Variants in NRXN3 observed in about 807,000 individuals in gnomAD.
NRXN3 encodes neurexin 3.
NRXN3 carries 32 observed loss-of-function variants against 137.6 expected under a neutral mutation model. That is an observed-to-expected ratio of 0.23 (90% CI 0.18 to 0.31). The LOEUF is 0.31. NRXN3 is among the 10% of genes least tolerant of loss of function. The pLI is 1.00. For synonymous variants in NRXN3, 798 were observed against 784.5 expected (o/e 1.02, Z -0.29); for missense variants, 1,574 against 2,062.5 (o/e 0.76, Z 4.59).
intron 4 of NRXN3, among the ~76,000 whole-genome samples, chr14:78,397,505 C>A (rs2091591893): frequency 6.6e-6 from 1 of 151,258 alleles, no homozygotes; most frequent in South Asian, 2.1e-4. Context: ...TTTTTTTTTC[C>A]CATTCTTAAA....
chr14:79,429,406 G>A (rs1363102065), intron 15 of NRXN3, among the ~76,000 whole-genome samples: 1 of 152,144 alleles, frequency 6.6e-6, no homozygotes, highest in Non-Finnish European at 1.5e-5. Context: ...ATCCTTTGCT[G>A]GGTGATCCTG....
At chr14:78,896,246 C>T (rs1491000879) in intron 10 of NRXN3, among the ~76,000 whole-genome samples, 1 of 151,834 alleles carries the variant, frequency 6.6e-6, no homozygotes, top group Admixed American at 6.6e-5. Flanking sequence ...ATGGCATTGC[C>T]TAGTAAAATC....
intron 4 of NRXN3, among the ~76,000 whole-genome samples, chr14:78,585,296 G>T (rs980754590): frequency 6.6e-6 from 1 of 152,124 alleles, no homozygotes; most frequent in Non-Finnish European, 1.5e-5. Flanking sequence ...GTGGGAATGT[G>T]CTTGGTGAGT....
chr14:79,152,080 A>G lies in NRXN3; in HGVS notation c.3262+163939A>G, dbSNP rs139708228. Among the ~76,000 whole-genome samples, 993 of 152,054 alleles carry G rather than the reference A, an allele frequency of 6.5e-3. 13 individuals are homozygous for G. The highest frequency in any genetic ancestry group is 0.051 in the Middle Eastern group (15 of 294). On this transcript the variant is annotated intron_variant, in intron 15 of 20. Coordinates refer to ENST00000335750, the MANE Select transcript of NRXN3 (RefSeq NM_001330195.2). Reference sequence around the variant, plus strand: ...TTTACCATATTGTGTACTTGGGTCTATTTTCAACTCTGAGCCACTTGCTAT... The same window carrying G: ...TTTACCATATTGTGTACTTGGGTCTGTTTTCAACTCTGAGCCACTTGCTAT...
At chr14:78,191,817 G>T (rs932974811) in intron 1 of NRXN3, among the ~76,000 whole-genome samples, 4 of 152,162 alleles carry the variant, frequency 2.6e-5, no homozygotes, top group Non-Finnish European at 4.4e-5. Context: ...CCATGCCGAT[G>T]GGTCAGAGTT....
intron 8 of NRXN3, among the ~76,000 whole-genome samples, chr14:78,739,417 A>G (rs1235560991): frequency 6.6e-6 from 1 of 152,208 alleles, no homozygotes; most frequent in Non-Finnish European, 1.5e-5. Flanking sequence ...AGAAAGCACA[A>G]AGAACTTTGG....
chr14:78,591,236 T>C (rs910646758), intron 4 of NRXN3, among the ~76,000 whole-genome samples: 1 of 152,182 alleles, frequency 6.6e-6, no homozygotes, highest in Non-Finnish European at 1.5e-5. Flanking sequence ...CGCCCCTATG[T>C]GTGCACATGG....
intron 15 of NRXN3, among the ~76,000 whole-genome samples, chr14:79,340,160 G>GGTGTGT (rs10533702): frequency 1.6e-4 from 24 of 146,730 alleles, no homozygotes; most frequent in Non-Finnish European, 2.3e-4. Context: ...TGAATTTAAG[G>GGTGTGT]GTGTGTGTGT....
intron 15 of NRXN3, among the ~76,000 whole-genome samples, chr14:79,117,347 G>A (rs2653538): frequency 0.029 from 4,372 of 152,284 alleles, 206 homozygotes; most frequent in African/African-American, 0.1. Context: ...ACAGAAGGGT[G>A]CAGAGTGCCT....
chr14:78,902,211 G>A (rs1377146216), intron 10 of NRXN3, among the ~76,000 whole-genome samples: 6 of 152,032 alleles, frequency 3.9e-5, no homozygotes, highest in Non-Finnish European at 7.4e-5. Context: ...TCTCACATCC[G>A]AGCGCCCCCT....
intron 16 of NRXN3, among the ~76,000 whole-genome samples, chr14:79,500,424 C>A (rs1457014366): frequency 6.6e-6 from 1 of 152,126 alleles, no homozygotes; most frequent in South Asian, 2.1e-4. Flanking sequence ...ATGATGAATA[C>A]TTTTCATTAG....
At chr14:78,634,758 G>T (rs1337502503) in intron 4 of NRXN3, among the ~76,000 whole-genome samples, 2 of 152,008 alleles carry the variant, frequency 1.3e-5, no homozygotes, top group African/African-American at 4.8e-5. Flanking sequence ...GAGATTTTCT[G>T]TATACATATT....
chr14:79,533,378 C>T (rs909159659), intron 16 of NRXN3, among the ~76,000 whole-genome samples: 6 of 152,098 alleles, frequency 3.9e-5, no homozygotes, highest in African/African-American at 1.4e-4. Context: ...TGCAAAGTGT[C>T]ATCTTCTACC....
chr14:79,596,397 A>G (rs918706957), intron 16 of NRXN3, among the ~76,000 whole-genome samples: 10 of 152,256 alleles, frequency 6.6e-5, no homozygotes, highest in African/African-American at 2.4e-4. Context: ...AATGAAATTT[A>G]AAAGAATCAA....
rs1458301878 is a variant in NRXN3 at position 79,664,689 on chromosome 14, A to G, written c.3616+740A>G. 5.3e-5 allele frequency among the ~76,000 whole-genome samples: 8 copies of G among 152,146 alleles called. 1 individual carries two copies. The highest frequency in any genetic ancestry group is 5.2e-4 in the Admixed American group (8 of 15,266). ...TTGCCTTCCTTAAAAGAGATCATTC[A>G]AATAATCCCTCAGCTTTCCCTCTTG... On this transcript the variant is annotated intron_variant, in intron 17 of 20. Coordinates refer to ENST00000335750, the MANE Select transcript of NRXN3 (RefSeq NM_001330195.2).
chr14:79,750,433 G>T (rs980355665), intron 19 of NRXN3, among the ~76,000 whole-genome samples: 2 of 152,088 alleles, frequency 1.3e-5, no homozygotes, highest in Non-Finnish European at 2.9e-5. Flanking sequence ...CCATGCTGCT[G>T]CTGCCTTTGG....
At chr14:78,361,410 T>C (rs1408824542) in intron 4 of NRXN3, among the ~76,000 whole-genome samples, 1 of 152,206 alleles carries the variant, frequency 6.6e-6, no homozygotes, top group East Asian at 1.9e-4. Flanking sequence ...CAGTACAACT[T>C]GCTTAGATAA....
At chr14:79,534,575 G>A (rs568934135) in intron 16 of NRXN3, among the ~76,000 whole-genome samples, 1 of 152,054 alleles carries the variant, frequency 6.6e-6, no homozygotes, top group African/African-American at 2.4e-5. Flanking sequence ...ACTCTCCTAG[G>A]GGAACATATG....
chr14:78,379,950 A>G (rs763047036), intron 4 of NRXN3, among the ~76,000 whole-genome samples: 3 of 152,198 alleles, frequency 2.0e-5, no homozygotes, highest in Non-Finnish European at 2.9e-5. Context: ...TTAGTAGTGA[A>G]CCACATGGAC....
Sources: gnomAD v4.1 joint callset for allele counts (sites outside exome capture counted in the v4.1 genomes callset) on GRCh38, gnomAD v4.1.1 for gene constraint, MANE v1.5 for transcripts, NCBI Gene and HGNC (gene_info 2026-07-23, HGNC 2026-07-21) for gene names.